PCGF5: variants seen among roughly 807,000 people sequenced by gnomAD.
PCGF5 encodes polycomb group ring finger 5.
A neutral mutation model predicts 44.3 loss-of-function variants in PCGF5; 9 were observed. The ratio of observed to expected loss-of-function variants is 0.20; its 90% CI spans 0.12 to 0.35. The LOEUF is 0.35. Among genes scored for constraint, PCGF5 ranks in the 10% least tolerant of loss-of-function variants. The probability of loss-of-function intolerance (pLI) is 1.00; values close to 1 mark genes in which losing one functional copy is unlikely to be tolerated. For synonymous variants in PCGF5, 95 were observed against 102.5 expected, an observed-to-expected ratio of 0.93 and a Z score of 0.44; for missense variants, 146 against 305.3, an observed-to-expected ratio of 0.48 and a Z score of 3.89.
In PCGF5 at chr10:91,283,756, C is replaced by T. The variant is rs189395525; in HGVS notation, c.*5440C>T. The T allele has an allele frequency of 2.6e-5, 4 of 152,240 alleles. No individual in the cohort carries two copies. The highest frequency in any genetic ancestry group is 7.2e-5 in the African/African-American group (3 of 41,404). 9.4% of individuals were successfully genotyped at this position (152,240 alleles called of 1,614,324 possible). On this transcript the variant is annotated 3_prime_UTR_variant, in exon 10 of 10. Coordinates refer to ENST00000336126, the MANE Select transcript of PCGF5 (RefSeq NM_032373.5). The stretch of plus-strand genomic sequence containing the variant: ...TGCATCTGAGCAACACAACAGAGAT[C>T]ATCAGTTTTAAATAGAGTAGCCCTC...
intron 1 of PCGF5, among the ~76,000 whole-genome samples, chr10:91,183,321 A>G (rs961566905): frequency 1.3e-5 from 2 of 152,020 alleles, no homozygotes; most frequent in African/African-American, 4.8e-5. Flanking sequence ...ATCTTGTTGA[A>G]TTGAACCCTT....
intron 1 of PCGF5, among the ~76,000 whole-genome samples, chr10:91,179,726 C>T (rs1467693598): frequency 6.6e-6 from 1 of 152,208 alleles, no homozygotes; most frequent in Non-Finnish European, 1.5e-5. Context: ...GTATGTACCA[C>T]TTTTTGTTTA....
chr10:91,272,414 G>T (rs1478249695), intron 9 of PCGF5, among the ~76,000 whole-genome samples: 1 of 152,118 alleles, frequency 6.6e-6, no homozygotes, highest in Non-Finnish European at 1.5e-5. Flanking sequence ...GGAGGCTGAG[G>T]ATGTAGGATT....
At chr10:91,228,668 T>C (rs1844916623) in intron 2 of PCGF5, among the ~76,000 whole-genome samples, 1 of 152,220 alleles carries the variant, frequency 6.6e-6, no homozygotes, top group African/African-American at 2.4e-5. Context: ...TTTATTGTTT[T>C]TGAACAAATA....
At chr10:91,184,324 G>A (rs1843877098) in intron 1 of PCGF5, among the ~76,000 whole-genome samples, 1 of 151,876 alleles carries the variant, frequency 6.6e-6, no homozygotes, top group Admixed American at 6.6e-5. Context: ...TTTAAGCTCT[G>A]AGATTCCTCT....
At chr10:91,267,657 T>G (rs1846079251) in intron 8 of PCGF5, among the ~76,000 whole-genome samples, 1 of 152,224 alleles carries the variant, frequency 6.6e-6, no homozygotes, top group South Asian at 2.1e-4. Flanking sequence ...TATTATAATA[T>G]TAATAGATGA....
upstream of PCGF5, among the ~76,000 whole-genome samples, chr10:91,161,485 G>T (rs183049546): frequency 6.6e-6 from 1 of 152,170 alleles, no homozygotes; most frequent in Non-Finnish European, 1.5e-5. Context: ...GGGCCGGAAG[G>T]CTCTTAGCCT....
chr10:91,229,174 A>G (rs1191075935), intron 2 of PCGF5, among the ~76,000 whole-genome samples: 1 of 152,232 alleles, frequency 6.6e-6, no homozygotes, highest in African/African-American at 2.4e-5. Context: ...TTAAGCATCA[A>G]CAGATGTTCA....
At chr10:91,272,492 G>T (rs1846203177) in intron 9 of PCGF5, among the ~76,000 whole-genome samples, 1 of 151,992 alleles carries the variant, frequency 6.6e-6, no homozygotes, top group South Asian at 2.1e-4. Context: ...ATTTTTTTAG[G>T]CCAGACACGG....
At chr10:91,182,295 A>G (rs1459229743) in intron 1 of PCGF5, among the ~76,000 whole-genome samples, 1 of 151,758 alleles carries the variant, frequency 6.6e-6, no homozygotes, top group Non-Finnish European at 1.5e-5. Context: ...CGGAGGGTGT[A>G]TGGGTCCAGG....
the PCGF5 span, among the ~76,000 whole-genome samples, chr10:91,157,908 G>A: frequency 6.6e-6 from 1 of 152,184 alleles, no homozygotes; most frequent in African/African-American, 2.4e-5. Flanking sequence ...GAGGAAGCAT[G>A]TAAATGAATT....
rs550651749 is a variant in PCGF5 at position 91,236,087 on chromosome 10, A to C, written c.113-4397A>C. ...GAGTAAGACCCTGTCTTAAACAAAG[A>C]AATAATAATAAATTAAAAAAATATG... On this transcript the variant is annotated intron_variant, in intron 2 of 9. Coordinates refer to ENST00000336126, the MANE Select transcript of PCGF5 (RefSeq NM_032373.5). Among the ~76,000 whole-genome samples, 16 of 147,350 alleles carry C rather than the reference A, an allele frequency of 1.1e-4. No individual in the cohort carries two copies. The South Asian group carries it at 2.5e-3, about 23-fold the overall frequency.
intron 1 of PCGF5, among the ~76,000 whole-genome samples, chr10:91,174,971 T>A (rs1212951785): frequency 6.6e-6 from 1 of 152,216 alleles, no homozygotes; most frequent in East Asian, 1.9e-4. Context: ...ACTGCCTTAG[T>A]ATAACAGAGG....
At chr10:91,267,864 A>G (rs1477783160) in intron 8 of PCGF5, among the ~76,000 whole-genome samples, 1 of 152,202 alleles carries the variant, frequency 6.6e-6, no homozygotes, top group Non-Finnish European at 1.5e-5. Flanking sequence ...GGCTGGAGTC[A>G]GCTTATTTCC....
At position 91,251,318 on chromosome 10, in the gene PCGF5, A is replaced by C. The variant is rs1845618672; in HGVS notation, c.352A>C (p.Lys118Gln). 6.2e-7 allele frequency: 1 copy of C among 1,609,972 alleles called. No homozygotes were observed. Among genetic ancestry groups the C allele is most frequent in the African/African-American group, 1.3e-5 (1 of 74,862 alleles). The change falls in exon 6 of 10, where the codon AAA becomes CAA. Residue 118 changes from lysine (K) to glutamine (Q), a missense_variant. Physicochemically the swap from Lys to Gln is moderately conservative, Grantham distance 53 (BLOSUM62 1). Transcript: ENST00000336126. ...QDDTSKADKP[K>Q]VDEEGDENED... ...TGATACTTCAAAAGCTGACAAACCG[A>C]AAGTAGATGAAGAAGGTGATGAAAA...
At chr10:91,204,384 CT>C (rs1317454314) in intron 1 of PCGF5, among the ~76,000 whole-genome samples, 7 of 151,882 alleles carry the variant, frequency 4.6e-5, no homozygotes, top group African/African-American at 1.4e-4. Flanking sequence ...GATGATTGCA[CT>C]CAAGTAACTG....
At chr10:91,238,241 A>G (rs575651582) in intron 2 of PCGF5, among the ~76,000 whole-genome samples, 224 of 152,318 alleles carry the variant, frequency 1.5e-3, no homozygotes, top group African/African-American at 5.1e-3. Flanking sequence ...TAGAATATAG[A>G]TTAGTATTCC....
rs1295824829 is a variant in PCGF5 at position 91,196,546 on chromosome 10, ATGT to A, written c.-183-26139_-183-26137del. On this transcript the variant is annotated intron_variant, in intron 1 of 9. Transcript: ENST00000614189. The stretch of plus-strand genomic sequence containing the variant: ...CACAGTCATGCAGGTTTCAGCAGAA[ATGT>A]TGTATCTTCAGAGAAAGTTTCCTTA... Among the ~76,000 whole-genome samples the A allele has an allele frequency of 6.6e-5, 10 of 152,310 alleles. No individual in the cohort carries two copies. In the South Asian group the frequency reaches 8.3e-4, roughly 13 times the overall value.
At chr10:91,199,749 A>G (rs765085338) in intron 1 of PCGF5, among the ~76,000 whole-genome samples, 2 of 152,118 alleles carry the variant, frequency 1.3e-5, no homozygotes, top group Non-Finnish European at 2.9e-5. Context: ...AAAATCCTTT[A>G]TGCAACCCTC....
Sources: gnomAD v4.1 joint callset for allele counts (sites outside exome capture counted in the v4.1 genomes callset) on GRCh38, gnomAD v4.1.1 for gene constraint, MANE v1.5 for transcripts, NCBI Gene and HGNC (gene_info 2026-07-23, HGNC 2026-07-21) for gene names.